COL21A1: variants seen among roughly 807,000 people sequenced by gnomAD.
The protein encoded by COL21A1 is collagen alpha-1(XXI) chain.
COL21A1 carries 149 observed loss-of-function variants against 137.9 expected under a neutral mutation model. That is an observed-to-expected ratio of 1.08 (90% CI 0.95 to 1.24). The LOEUF is 1.24. COL21A1 is among the 50% of genes most tolerant of loss of function. The pLI is 0.00. For missense variants in COL21A1, 1,167 were observed against 1,158.4 expected, an observed-to-expected ratio of 1.01 and a Z score of -0.11; for synonymous variants, 456 against 391.5, an observed-to-expected ratio of 1.16 and a Z score of -1.95.
chr6:56,130,622 G>T (rs1261908868), intron 12 of COL21A1, among the ~76,000 whole-genome samples: 1 of 151,896 alleles, frequency 6.6e-6, no homozygotes. Flanking sequence ...CTCAGATGAA[G>T]TAGGAAGACT....
intron 1 of COL21A1, among the ~76,000 whole-genome samples, chr6:56,368,593 G>C (rs1017205729): frequency 1.3e-5 from 2 of 152,188 alleles, no homozygotes; most frequent in African/African-American, 4.8e-5. Context: ...TTGGAACCAG[G>C]TTCTTACTCC....
chr6:56,324,562 G>A (rs1421826269), intron 1 of COL21A1, among the ~76,000 whole-genome samples: 1 of 152,012 alleles, frequency 6.6e-6, no homozygotes, highest in Non-Finnish European at 1.5e-5. Flanking sequence ...AATATGAGGT[G>A]GAGTAGGGTC....
intron 1 of COL21A1, among the ~76,000 whole-genome samples, chr6:56,358,339 T>G (rs557216923): frequency 6.8e-6 from 1 of 148,128 alleles, no homozygotes; most frequent in East Asian, 2.0e-4. Flanking sequence ...TTTTAATATG[T>G]AAAAAAAAAA....
At chr6:56,156,111 T>C (rs1775725030) in intron 10 of COL21A1, among the ~76,000 whole-genome samples, 1 of 152,214 alleles carries the variant, frequency 6.6e-6, no homozygotes, top group Non-Finnish European at 1.5e-5. Flanking sequence ...TTAAAAGTGT[T>C]TTTAATTTGA....
At chr6:56,288,460 T>C (rs552493774) in intron 1 of COL21A1, among the ~76,000 whole-genome samples, 4 of 152,278 alleles carry the variant, frequency 2.6e-5, no homozygotes, top group South Asian at 2.1e-4. Flanking sequence ...CAAGTAAAAA[T>C]GATTCCTGCA....
chr6:56,272,539 G>C (rs1197683441), intron 1 of COL21A1, among the ~76,000 whole-genome samples: 1 of 152,162 alleles, frequency 6.6e-6, no homozygotes, highest in Non-Finnish European at 1.5e-5. Flanking sequence ...AGGCATAATT[G>C]GTTTTGAAAT....
rs78572860 is a variant in COL21A1 at position 56,235,698 on chromosome 6, T to G, written c.-39+11689A>C. 8.3e-3 allele frequency among the ~76,000 whole-genome samples: 1,258 copies of G among 151,942 alleles called. 21 individuals carry two copies. Among genetic ancestry groups the G allele is most frequent in the African/African-American group, 0.029 (1,213 of 41,492 alleles). ...AGGTTTCTGGTGGTATGTTTTAGAG[T>G]TCTATGCTTTTCCCTGTCTAATTGG... On this transcript the variant is annotated intron_variant, in intron 1 of 29. Transcript: ENST00000244728.
At chr6:56,189,643 G>T (rs554473393) in intron 1 of COL21A1, among the ~76,000 whole-genome samples, 73 of 152,206 alleles carry the variant, frequency 4.8e-4, no homozygotes, top group Non-Finnish European at 9.0e-4. Flanking sequence ...TCCTCGAGAA[G>T]AGCAACCCCA....
intron 10 of COL21A1, among the ~76,000 whole-genome samples, chr6:56,142,443 T>C (rs1414745570): frequency 1.3e-5 from 2 of 152,186 alleles, no homozygotes; most frequent in African/African-American, 4.8e-5. Flanking sequence ...AAATTACTCA[T>C]TTTAGAAAGC....
In COL21A1 at chr6:56,124,258, G is replaced by C. The variant is rs1772819835; in HGVS notation, c.1685C>G (p.Pro562Arg). The change falls in exon 15 of 30, where the codon CCT (proline) becomes CGT (arginine). Residue 562 changes from proline (P) to arginine (R), a missense_variant. Pro to Arg is a moderately radical substitution (Grantham distance 103). Transcript: ENST00000244728. ...AKGEKGNAGF[P>R]GLPGPAGEPG... ...ACTCACAGCAGGTCCAGGGAGGCCA[G>C]GGAAGCCAGCATTCCCCTTTTCACC... 6.2e-7 allele frequency: 1 copy of C among 1,603,954 alleles called. No homozygotes were observed. Among genetic ancestry groups the C allele is most frequent in the South Asian group, 1.1e-5 (1 of 88,856 alleles).
chr6:56,218,097 T>C (rs184871576), intron 1 of COL21A1, among the ~76,000 whole-genome samples: 96 of 152,252 alleles, frequency 6.3e-4, no homozygotes, highest in African/African-American at 1.7e-3. Flanking sequence ...GTTGTCTAAA[T>C]ACAATTTAGT....
intron 17 of COL21A1, among the ~76,000 whole-genome samples, chr6:56,090,736 A>G (rs1768730290): frequency 6.6e-6 from 1 of 151,998 alleles, no homozygotes; most frequent in African/African-American, 2.4e-5. Context: ...TTATATACAT[A>G]ATTACATTAT....
At chr6:56,151,362 A>G (rs191276562) in intron 10 of COL21A1, among the ~76,000 whole-genome samples, 51 of 152,340 alleles carry the variant, frequency 3.3e-4, no homozygotes, top group Non-Finnish European at 3.5e-4. Context: ...TAACAAATCA[A>G]TGTATAAATC....
intron 16 of COL21A1, among the ~76,000 whole-genome samples, chr6:56,119,750 T>C (rs1772286912): frequency 1.3e-5 from 2 of 151,852 alleles, no homozygotes; most frequent in African/African-American, 4.8e-5. Context: ...CAGAAACAAA[T>C]CTACATACCT....
chr6:56,348,811 C>G (rs1765647606), intron 1 of COL21A1, among the ~76,000 whole-genome samples: 1 of 152,180 alleles, frequency 6.6e-6, no homozygotes, highest in African/African-American at 2.4e-5. Flanking sequence ...TTTCCCAATC[C>G]TATATAAGTG....
At chr6:56,294,009 A>G (rs773893280) in intron 1 of COL21A1, among the ~76,000 whole-genome samples, 2 of 152,184 alleles carry the variant, frequency 1.3e-5, no homozygotes, top group African/African-American at 4.8e-5. Flanking sequence ...GCATGTGGTG[A>G]GTCAAACGTA....
intron 12 of COL21A1, among the ~76,000 whole-genome samples, chr6:56,133,404 C>T (rs62413465): frequency 0.15 from 22,840 of 152,104 alleles, 1,750 homozygotes; most frequent in Middle Eastern, 0.22. Context: ...AGGAGCAAGG[C>T]ATTCAAGAGG....
At position 56,276,807 on chromosome 6, in the gene COL21A1, GTTTTTTTT is replaced by G; in HGVS notation, c.-38-94159_-38-94152del. On this transcript the variant is annotated intron_variant, in intron 1 of 28. Coordinates refer to the COL21A1 transcript ENST00000370819. ...TTGTTCAGTGAGTTGTGTTTTTTTT[GTTTTTTTT>G]GTTTTTTTTTTGAGACAGAGTCTCG... The G allele has an allele frequency of 3.3e-6, 3 of 908,938 alleles. No homozygotes were observed. In the South Asian group the frequency reaches 4.4e-5, roughly 13 times the overall value. The allele number at this position is 908,938 out of a possible 1,614,324, so 56.3% of individuals were successfully genotyped here.
chr6:56,342,440 C>T (rs1345693238), intron 1 of COL21A1, among the ~76,000 whole-genome samples: 2 of 152,158 alleles, frequency 1.3e-5, no homozygotes, highest in East Asian at 3.8e-4. Context: ...GAAACTTAGC[C>T]ATTAATGCTC....
Sources: allele counts gnomAD v4.1 joint callset (sites outside exome capture counted in the v4.1 genomes callset), GRCh38; gene constraint gnomAD v4.1.1; transcripts MANE v1.5; gene names NCBI Gene and HGNC (gene_info 2026-07-23, HGNC 2026-07-21).